CRPPA: variants seen among roughly 807,000 people sequenced by gnomAD.
CRPPA encodes the protein D-ribitol-5-phosphate cytidylyltransferase.
CRPPA carries 43 observed loss-of-function variants against 52.0 expected under a neutral mutation model. The ratio of observed to expected loss-of-function variants is 0.83; its 90% CI spans 0.65 to 1.07. The LOEUF is 1.07. Ranked by LOEUF, CRPPA falls within the 50% of genes least tolerant of loss-of-function variation. The probability of loss-of-function intolerance (pLI) is 0.00; values close to 1 mark genes in which losing one functional copy is unlikely to be tolerated. For synonymous variants in CRPPA, 250 were observed against 203.5 expected (o/e 1.23, Z -1.94); for missense variants, 629 against 551.7 (o/e 1.14, Z -1.40).
At chr7:16,253,168 G>A (rs1241035463) in intron 8 of CRPPA, among the ~76,000 whole-genome samples, 1 of 152,112 alleles carries the variant, frequency 6.6e-6, no homozygotes, top group Non-Finnish European at 1.5e-5. Context: ...GTTTGCTCAA[G>A]CTTCTCTAGT....
chr7:16,151,397 T>C (rs1783073487), intron 9 of CRPPA, among the ~76,000 whole-genome samples: 1 of 152,060 alleles, frequency 6.6e-6, no homozygotes, highest in Non-Finnish European at 1.5e-5. Flanking sequence ...ATAAAGGAAA[T>C]GTAGGTTGTG....
chr7:16,267,793 T>C (rs1483892010), intron 6 of CRPPA, among the ~76,000 whole-genome samples: 5 of 152,128 alleles, frequency 3.3e-5, no homozygotes. Flanking sequence ...GGTTCCACAG[T>C]TAAGGATTCG....
chr7:16,197,274 C>T (rs1275516361), intron 9 of CRPPA, among the ~76,000 whole-genome samples: 1 of 152,162 alleles, frequency 6.6e-6, no homozygotes, highest in Non-Finnish European at 1.5e-5. Context: ...CACGTGAATA[C>T]ACTTTCTCAA....
At chr7:16,207,856 T>C (rs1782009330) in intron 9 of CRPPA, among the ~76,000 whole-genome samples, 1 of 152,182 alleles carries the variant, frequency 6.6e-6, no homozygotes, top group Non-Finnish European at 1.5e-5. Context: ...CAGATCAATA[T>C]CAATGAAGTA....
At chr7:16,279,476 G>C (rs1203694196) in intron 5 of CRPPA, among the ~76,000 whole-genome samples, 1 of 152,096 alleles carries the variant, frequency 6.6e-6, no homozygotes, top group African/African-American at 2.4e-5. Context: ...CAAGACTACA[G>C]GGACATGAGT....
At chr7:16,355,366 T>G (rs900680976) in intron 3 of CRPPA, among the ~76,000 whole-genome samples, 7 of 152,294 alleles carry the variant, frequency 4.6e-5, no homozygotes, top group Non-Finnish European at 8.8e-5. Context: ...ATCATTACAG[T>G]GATTGACCCG....
chr7:16,136,415 C>T (rs1583381481), intron 9 of CRPPA, among the ~76,000 whole-genome samples: 1 of 152,246 alleles, frequency 6.6e-6, no homozygotes, highest in Non-Finnish European at 1.5e-5. Context: ...TTAAGTATCT[C>T]ATCCAAGTTT....
rs138155671 is a variant in CRPPA at position 16,359,799 on chromosome 7, C to CCA, written c.684+16291_684+16292dup. 5.1e-3 allele frequency among the ~76,000 whole-genome samples: 778 copies of CCA among 152,266 alleles called. 6 individuals are homozygous for CCA. The highest frequency in any genetic ancestry group is 0.017 in the African/African-American group (713 of 41,558). On this transcript the variant is annotated intron_variant, in intron 3 of 9. Coordinates refer to ENST00000407010, the MANE Select transcript of CRPPA (RefSeq NM_001101426.4). Reference sequence around the variant, plus strand: ...TGCCTCTTCTCTAGTATTTTATTCTCCACTTTTAACTTTCTTACCAAAAAG... The same window carrying CCA: ...TGCCTCTTCTCTAGTATTTTATTCTCCACACTTTTAACTTTCTTACCAAAAAG...
intron 3 of CRPPA, among the ~76,000 whole-genome samples, chr7:16,366,685 G>C (rs1786599113): frequency 6.6e-6 from 1 of 150,412 alleles, no homozygotes. Flanking sequence ...TTTTTCTACA[G>C]CTCTTCATAA....
chr7:16,113,737 C>T (rs983520001), intron 9 of CRPPA, among the ~76,000 whole-genome samples: 2 of 151,470 alleles, frequency 1.3e-5, no homozygotes, highest in Non-Finnish European at 1.5e-5. Flanking sequence ...CACACACCAA[C>T]ATTATTTTTC....
chr7:16,408,785 A>G (rs1788014372), intron 1 of CRPPA, among the ~76,000 whole-genome samples: 1 of 152,212 alleles, frequency 6.6e-6, no homozygotes, highest in South Asian at 2.1e-4. Context: ...GATCCAACGT[A>G]ATCACAAGAG....
chr7:16,136,007 C>T (rs1262127273), intron 9 of CRPPA, among the ~76,000 whole-genome samples: 1 of 152,106 alleles, frequency 6.6e-6, no homozygotes, highest in Non-Finnish European at 1.5e-5. Flanking sequence ...AGCCATGTTG[C>T]TTTCTTTACA....
At chr7:16,147,717 T>C (rs1253341894) in intron 9 of CRPPA, among the ~76,000 whole-genome samples, 1 of 152,212 alleles carries the variant, frequency 6.6e-6, no homozygotes, top group African/African-American at 2.4e-5. Flanking sequence ...TGGCACATAT[T>C]ATGGATTCAA....
chr7:16,389,920 A>ATATATATAT (rs1325768493), intron 2 of CRPPA, among the ~76,000 whole-genome samples: 16 of 65,020 alleles, frequency 2.5e-4, no homozygotes, highest in African/African-American at 1.0e-3. Context: ...ATACAAAAAA[A>ATATATATAT]AAAAAAAAAT....
At chr7:16,286,085 T>TAATA (rs1784438076) in intron 5 of CRPPA, among the ~76,000 whole-genome samples, 1 of 15,624 alleles carries the variant, frequency 6.4e-5, no homozygotes, top group Non-Finnish European at 1.3e-4. Flanking sequence ...ATATATAATA[T>TAATA]TTAAAAAAAA....
intron 9 of CRPPA, among the ~76,000 whole-genome samples, chr7:16,163,784 T>G (rs537774774): frequency 6.6e-6 from 1 of 152,208 alleles, no homozygotes; most frequent in Non-Finnish European, 1.5e-5. Flanking sequence ...AAGCTTTGTT[T>G]GGCTGCTTAT....
intron 3 of CRPPA, among the ~76,000 whole-genome samples, chr7:16,352,543 A>G (rs1786183571): frequency 1.3e-5 from 2 of 152,208 alleles, no homozygotes; most frequent in African/African-American, 2.4e-5. Context: ...GCAAATTCAA[A>G]CCATAATGAG....
At chr7:16,281,802 C>G (rs899136833) in intron 5 of CRPPA, among the ~76,000 whole-genome samples, 1 of 152,148 alleles carries the variant, frequency 6.6e-6, no homozygotes, top group Non-Finnish European at 1.5e-5. Context: ...TTTTCTGTCT[C>G]AGGTTAGTAA....
chr7:16,344,636 A>C (rs1327216413), intron 3 of CRPPA, among the ~76,000 whole-genome samples: 1 of 152,118 alleles, frequency 6.6e-6, no homozygotes, highest in African/African-American at 2.4e-5. Context: ...TTGCCTTATC[A>C]ACTAGAAGAT....
Sources: allele counts gnomAD v4.1 joint callset (sites outside exome capture counted in the v4.1 genomes callset), GRCh38; gene constraint gnomAD v4.1.1; transcripts MANE v1.5; gene names NCBI Gene and HGNC (gene_info 2026-07-23, HGNC 2026-07-21).